Variants in MRS2 observed in about 807,000 individuals in gnomAD.
MRS2 encodes magnesium transporter MRS2.
A neutral mutation model predicts 52.6 loss-of-function variants in MRS2; 40 were observed. The ratio of observed to expected loss-of-function variants is 0.76; its 90% CI spans 0.59 to 0.99. The LOEUF (loss-of-function observed/expected upper bound fraction) is 0.99, where lower values mean the gene tolerates loss of function less well. Among genes scored for constraint, MRS2 ranks in the 50% least tolerant of loss-of-function variants. The pLI is 0.00. For synonymous variants in MRS2, 193 were observed against 195.9 expected, an observed-to-expected ratio of 0.98 and a Z score of 0.13; for missense variants, 472 against 532.7, an observed-to-expected ratio of 0.89 and a Z score of 1.12.
At chr6:24,406,549 A>C (rs938059676) in intron 2 of MRS2, among the ~76,000 whole-genome samples, 1 of 152,098 alleles carries the variant, frequency 6.6e-6, no homozygotes. Context: ...TGAGGTGGGC[A>C]TATCATTTGA....
At chr6:24,418,865 C>T (rs947234440) in intron 9 of MRS2, 4 of 248,378 alleles carry the variant, frequency 1.6e-5, no homozygotes, top group East Asian at 9.4e-5. Flanking sequence ...CGCCGTTGCA[C>T]TCCAGCCTGG....
intron 5 of MRS2, among the ~76,000 whole-genome samples, chr6:24,413,730 T>C (rs1227211219): frequency 6.6e-6 from 1 of 152,214 alleles, no homozygotes; most frequent in Non-Finnish European, 1.5e-5. Flanking sequence ...CTGGACTTGT[T>C]TCCAAATAAA....
At chr6:24,405,300 C>T (rs1761427236) in intron 2 of MRS2, 59 bp downstream of exon 2, 2 of 1,232,348 alleles carry the variant, frequency 1.6e-6, no homozygotes, top group African/African-American at 1.5e-5. Context: ...CATAAGTTAA[C>T]TCGTTGGACT....
At position 24,424,228 on chromosome 6, in the gene MRS2, TA is replaced by T. The variant is rs1488568859; in HGVS notation, c.*535del. ...TTTCTTGTATTTGCCCCCTTTTTTT[TA>T]TAAAAGGTGAATAAAAAGAAATAAT... is the stretch of plus-strand genomic sequence containing the variant. On this transcript the variant is annotated 3_prime_UTR_variant, in exon 11 of 11. Transcript: ENST00000378386. The T allele has an allele frequency of 6.6e-6, 1 of 151,418 alleles. No homozygotes were observed. The allele number at this position is 151,418 out of a possible 1,614,324, so 9.4% of individuals were successfully genotyped here. A position where few individuals can be genotyped will look rare whatever the true frequency, so the allele number is the denominator to read the frequency against.
Position 24,403,001 on chromosome 6 carries a change from A to C in MRS2, c.-46A>C. 1 of 1,507,470 alleles carries C rather than the reference A, an allele frequency of 6.6e-7. No individual in the cohort carries two copies. The highest frequency in any genetic ancestry group is 8.9e-7 in the Non-Finnish European group (1 of 1,128,244). 93.4% of individuals were successfully genotyped at this position (1,507,470 alleles called of 1,614,324 possible). A position where few individuals can be genotyped will look rare whatever the true frequency, so the allele number is the denominator to read the frequency against. ...GCGGCCTGAGCAGCCAGCGTCCGGC[A>C]TGAAGGTCTGGGGTCTGGCTGCTGC... On this transcript the variant is annotated 5_prime_UTR_variant, in exon 1 of 11. It removes an upstream start codon present in the reference 5' UTR. Coordinates refer to ENST00000378386, the MANE Select transcript of MRS2 (RefSeq NM_020662.4).
rs1761917679 is a variant in MRS2, at chr6:24,418,197, T to C, written c.950T>C (p.Ile317Thr). ...SNAARELRVL[I>T]DDSQSIIFIN... ...GCAGCTCGTGAGCTTAGGGTGCTGA[T>C]TGATGATTCACAAAGTATTATTTTC... Residue 317 changes from isoleucine (I) to threonine (T), a missense_variant, in exon 8 of 11, where the codon ATT becomes ACT. Ile to Thr is a moderately conservative substitution (Grantham distance 89). Coordinates refer to ENST00000378386, the MANE Select transcript of MRS2 (RefSeq NM_020662.4). 2 of 1,612,716 alleles carry C rather than the reference T, an allele frequency of 1.2e-6. No homozygotes were observed. Among genetic ancestry groups the C allele is most frequent in the African/African-American group, 1.3e-5 (1 of 74,872 alleles).
rs1235297019 is a variant in MRS2 at position 24,403,138 on chromosome 6, C to T, written c.92C>T (p.Ser31Phe). 3.1e-6 allele frequency: 5 copies of T among 1,611,472 alleles called. No individual in the cohort carries two copies. Among genetic ancestry groups the T allele is most frequent in the Non-Finnish European group, 3.4e-6 (4 of 1,179,912 alleles). The change falls in exon 1 of 11, where the codon TCT becomes TTT. Residue 31 changes from serine (S) to phenylalanine (F), a missense_variant. By Grantham distance (155) the Ser-to-Phe change is radical (BLOSUM62 -2). Coordinates refer to ENST00000378386, the MANE Select transcript of MRS2 (RefSeq NM_020662.4). ...TGTGCCCTGGCCTTGGACGTGACCT[C>T]TGTGGGTCCTCCCGTTGCTGCCTGC... ...TLCALALDVT[S>F]VGPPVAACGR...
intron 4 of MRS2, chr6:24,410,865 C>A: frequency 2.4e-6 from 2 of 824,954 alleles, no homozygotes; most frequent in South Asian, 1.6e-5. Context: ...ATATGGTGTT[C>A]ACTGCAATCT....
At chr6:24,410,619 G>T in intron 4 of MRS2, 1 of 810,816 alleles carries the variant, frequency 1.2e-6, no homozygotes. Flanking sequence ...CCAGGAGTTT[G>T]TGACCAGCCT....
intron 1 of MRS2, among the ~76,000 whole-genome samples, chr6:24,404,273 A>G (rs1362542738): frequency 6.6e-6 from 1 of 152,188 alleles, no homozygotes; most frequent in Non-Finnish European, 1.5e-5. Flanking sequence ...GACGTTCACA[A>G]TCTCAATCCC....
intron 6 of MRS2, among the ~76,000 whole-genome samples, chr6:24,416,131 C>G (rs1295749817): frequency 1.3e-5 from 2 of 152,096 alleles, no homozygotes; most frequent in African/African-American, 4.8e-5. Context: ...CACTGTTGTC[C>G]AGGAGGGTCT....
rs147000371 is a variant in MRS2 at position 24,418,557 on chromosome 6, T to C, written c.1086T>C (p.Asn362=). ...FGLMGVAFGM[N]LESSLEEDHR... ...TAATGGGAGTTGCTTTTGGAATGAA[T>C]TTGGAATCTTCCCTTGAAGAGGTGA... is the stretch of plus-strand genomic sequence containing the variant. The change falls in exon 9 of 11, where the codon AAT becomes AAC. Residue 362 remains asparagine (N), a synonymous_variant. Coordinates refer to ENST00000378386, the MANE Select transcript of MRS2 (RefSeq NM_020662.4). 27 of 1,613,298 alleles carry C rather than the reference T, an allele frequency of 1.7e-5. No homozygotes were observed. In the African/African-American group the frequency reaches 3.3e-4, roughly 20 times the overall value.
chr6:24,418,972 C>G (rs115041969), intron 9 of MRS2: 1 of 163,872 alleles, frequency 6.1e-6, no homozygotes, highest in East Asian at 1.7e-4. Context: ...CACCTTGGCT[C>G]AACGCCTGTA....
chr6:24,409,920 G>T (rs577946034), intron 4 of MRS2, among the ~76,000 whole-genome samples: 1 of 152,160 alleles, frequency 6.6e-6, no homozygotes, highest in African/African-American at 2.4e-5. Context: ...TGTAATTATA[G>T]TATAACCTGA....
intron 3 of MRS2, 76 bp downstream of exon 3, chr6:24,408,520 T>C: frequency 9.3e-7 from 1 of 1,079,140 alleles, no homozygotes; most frequent in Non-Finnish European, 1.4e-6. Flanking sequence ...AATTGTAGTA[T>C]TTTGAGTAAA....
chr6:24,411,431 A>G (rs1467713483), intron 4 of MRS2, among the ~76,000 whole-genome samples: 1 of 152,164 alleles, frequency 6.6e-6, no homozygotes, highest in African/African-American at 2.4e-5. Context: ...TTAAAAAGGA[A>G]ACTTCCATTT....
chr6:24,417,976 C>A, intron 7 of MRS2, 108 bp from the exon 8 acceptor site: 1 of 841,448 alleles, frequency 1.2e-6, no homozygotes, highest in Non-Finnish European at 1.8e-6. Flanking sequence ...CAAAGGCTAG[C>A]TTTTCCACTG....
At chr6:24,420,540 C>T (rs1209601448) in intron 9 of MRS2, among the ~76,000 whole-genome samples, 1 of 152,172 alleles carries the variant, frequency 6.6e-6, no homozygotes, top group Non-Finnish European at 1.5e-5. Context: ...AGCAGTGAGT[C>T]TGCCCTTGCG....
At chr6:24,419,804 T>C (rs1761981734) in intron 9 of MRS2, among the ~76,000 whole-genome samples, 1 of 152,208 alleles carries the variant, frequency 6.6e-6, no homozygotes, top group South Asian at 2.1e-4. Flanking sequence ...TTCAAGTCTC[T>C]GATATAAAAT....
Sources: gnomAD v4.1 joint callset for allele counts (sites outside exome capture counted in the v4.1 genomes callset) on GRCh38, gnomAD v4.1.1 for gene constraint, MANE v1.5 for transcripts, NCBI Gene and HGNC (gene_info 2026-07-23, HGNC 2026-07-21) for gene names.